COBLL1: variants seen among roughly 807,000 people sequenced by gnomAD.
COBLL1 encodes cordon-bleu WH2 repeat protein like 1.
In COBLL1, 50 loss-of-function variants were observed where a neutral mutation model predicts 94.8. The observed-to-expected ratio is 0.53, with a 90% confidence interval of 0.42 to 0.67. The LOEUF (loss-of-function observed/expected upper bound fraction) is 0.67, where lower values mean the gene tolerates loss of function less well. Ranked by LOEUF, COBLL1 falls within the 30% of genes least tolerant of loss-of-function variation. The probability of loss-of-function intolerance (pLI) is 0.00; values close to 1 mark genes in which losing one functional copy is unlikely to be tolerated. For missense variants in COBLL1, 1,362 were observed against 1,348.7 expected (o/e 1.01, Z -0.15); for synonymous variants, 448 against 473.8 (o/e 0.95, Z 0.71).
intron 2 of COBLL1, 96 bp from the exon 3 acceptor site, chr2:164,743,971 T>C: frequency 1.2e-6 from 1 of 850,864 alleles, no homozygotes; most frequent in Non-Finnish European, 1.7e-6. Flanking sequence ...CTAGTAGTGG[T>C]TTTTCACATC....
intron 2 of COBLL1, among the ~76,000 whole-genome samples, chr2:164,803,287 C>G (rs979454924): frequency 6.6e-6 from 1 of 152,048 alleles, no homozygotes; most frequent in African/African-American, 2.4e-5. Context: ...AAAGTTTGGC[C>G]GGGCGCGGTG....
At chr2:164,687,649 T>A (rs932971739) in intron 13 of COBLL1, 3 of 899,466 alleles carry the variant, frequency 3.3e-6, no homozygotes, top group Admixed American at 3.4e-5. Flanking sequence ...AAAGGCCTAT[T>A]ATCAAGGTCC....
At chr2:164,820,195 A>C (rs1322915753) in intron 2 of COBLL1, among the ~76,000 whole-genome samples, 1 of 151,270 alleles carries the variant, frequency 6.6e-6, no homozygotes, top group Non-Finnish European at 1.5e-5. Flanking sequence ...AGTTTATTGG[A>C]GTGAGCAAAA....
chr2:164,723,663 T>C (rs1477133672), intron 5 of COBLL1: 2 of 151,990 alleles, frequency 1.3e-5, no homozygotes, highest in Non-Finnish European at 2.9e-5. Flanking sequence ...ATGTTCATAA[T>C]GATACTAAAA....
At chr2:164,756,503 T>C (rs961967310) in intron 2 of COBLL1, among the ~76,000 whole-genome samples, 1 of 152,172 alleles carries the variant, frequency 6.6e-6, no homozygotes, top group Non-Finnish European at 1.5e-5. Context: ...AATGGCAAAA[T>C]ATATTTTTAT....
At chr2:164,822,687 C>T (rs952504531) in intron 2 of COBLL1, among the ~76,000 whole-genome samples, 40 of 142,032 alleles carry the variant, frequency 2.8e-4, no homozygotes, top group Non-Finnish European at 1.2e-4. Flanking sequence ...GGTATATACA[C>T]ATTTACATGC....
intron 2 of COBLL1, among the ~76,000 whole-genome samples, chr2:164,836,424 G>A (rs1683323249): frequency 6.6e-6 from 1 of 151,942 alleles, no homozygotes; most frequent in Non-Finnish European, 1.5e-5. Context: ...CTTTTATAAG[G>A]CCACTTTAAA....
upstream of COBLL1, chr2:164,841,880 C>A: frequency 8.7e-7 from 1 of 1,148,542 alleles, no homozygotes; most frequent in Non-Finnish European, 1.2e-6. This position sits in a 1 kb window ranked among gnomAD's most constrained non-coding sequence, Gnocchi z 5.5. Context: ...CGACTCAGCA[C>A]CTCCCCTGTC....
At chr2:164,688,363 T>C (rs556474545) in intron 13 of COBLL1, among the ~76,000 whole-genome samples, 1 of 152,290 alleles carries the variant, frequency 6.6e-6, no homozygotes, top group Admixed American at 6.5e-5. Context: ...TTTATATTTA[T>C]TTTAGTGCCT....
chr2:164,661,419 T>C (rs763444392), intron 2 of COBLL1, among the ~76,000 whole-genome samples: 10 of 152,158 alleles, frequency 6.6e-5, no homozygotes, highest in Non-Finnish European at 1.3e-4. Context: ...TTGATAGTTA[T>C]GTAAGAATAG....
At chr2:164,800,643 A>C in intron 2 of COBLL1, 2 of 684,958 alleles carry the variant, frequency 2.9e-6, no homozygotes, top group Non-Finnish European at 5.3e-6. Context: ...CCCAAACTGG[A>C]AACAATCTAA....
At chr2:164,779,148 T>C (rs1247996920) in intron 2 of COBLL1, among the ~76,000 whole-genome samples, 7 of 152,190 alleles carry the variant, frequency 4.6e-5, no homozygotes, top group Non-Finnish European at 1.0e-4. Context: ...AAATTGTTTT[T>C]CTTCTATCCA....
intron 7 of COBLL1, among the ~76,000 whole-genome samples, chr2:164,720,321 A>G (rs2105494417): frequency 6.6e-6 from 1 of 152,236 alleles, no homozygotes; most frequent in African/African-American, 2.4e-5. Flanking sequence ...AACTGGTCAC[A>G]GAGCAGAGGG....
At chr2:164,765,358 C>G (rs997123184) in intron 2 of COBLL1, among the ~76,000 whole-genome samples, 2 of 152,054 alleles carry the variant, frequency 1.3e-5, no homozygotes, top group African/African-American at 4.8e-5. Flanking sequence ...TCTGCAAGAT[C>G]AATAATCCAA....
chr2:164,748,593 C>T (rs1027449982), intron 2 of COBLL1, among the ~76,000 whole-genome samples: 9 of 152,062 alleles, frequency 5.9e-5, no homozygotes, highest in African/African-American at 2.2e-4. Flanking sequence ...CCCTTTTAAA[C>T]GGGAATGTTT....
intron 2 of COBLL1, among the ~76,000 whole-genome samples, chr2:164,758,169 A>G (rs1436930152): frequency 6.6e-6 from 1 of 152,128 alleles, no homozygotes; most frequent in African/African-American, 2.4e-5. Context: ...ATATAAAGAA[A>G]TTGTGAGCAG....
rs527330200 is a variant in COBLL1 at position 164,829,993 on chromosome 2, A to G, written c.41+11163T>C. Among the ~76,000 whole-genome samples the G allele has an allele frequency of 2.3e-3, 346 of 152,346 alleles. 1 individual carries two copies. Among genetic ancestry groups the G allele is most frequent in the Non-Finnish European group, 4.3e-3 (290 of 68,032 alleles). ...CATAGATCCACATTCTGAAAAAAAG[A>G]GAGTCCTAGGGCCATGGTGATAATG... On this transcript the variant is annotated intron_variant, in intron 2 of 13. Transcript: ENST00000652658.
At chr2:164,770,415 T>C (rs1224275724) in intron 2 of COBLL1, among the ~76,000 whole-genome samples, 1 of 152,128 alleles carries the variant, frequency 6.6e-6, no homozygotes, top group African/African-American at 2.4e-5. Flanking sequence ...AACCATTAGC[T>C]ATATGCATAC....
chr2:164,801,105 C>T (rs1054609563), intron 2 of COBLL1, among the ~76,000 whole-genome samples: 1 of 151,996 alleles, frequency 6.6e-6, no homozygotes, highest in African/African-American at 2.4e-5. Flanking sequence ...CAAGACCAGC[C>T]TGGGGAACAT....
Sources: gnomAD v4.1 joint callset for allele counts (sites outside exome capture counted in the v4.1 genomes callset) on GRCh38, gnomAD v4.1.1 for gene constraint, Gnocchi (gnomAD v3.1) non-coding constraint, MANE v1.5 for transcripts, NCBI Gene and HGNC (gene_info 2026-07-23, HGNC 2026-07-21) for gene names.